The following WDR70 variants were observed in gnomAD, a reference collection of about 807,000 sequenced individuals.
WDR70 encodes the protein WD repeat domain 70.
A neutral mutation model predicts 88.6 loss-of-function variants in WDR70; 53 were observed. That is an observed-to-expected ratio of 0.60 (90% CI 0.48 to 0.75). The LOEUF (loss-of-function observed/expected upper bound fraction) is 0.75. WDR70 is among the 30% of genes least tolerant of loss of function. The pLI, the probability that WDR70 is intolerant of heterozygous loss-of-function variation, is 0.00. For missense variants in WDR70, 610 were observed against 823.2 expected (o/e 0.74, Z 3.17); for synonymous variants, 280 against 270.0 (o/e 1.04, Z -0.36).
intron 5 of WDR70, among the ~76,000 whole-genome samples, chr5:37,424,828 AAG>A (rs1175835599): frequency 6.6e-6 from 1 of 152,236 alleles, no homozygotes; most frequent in African/African-American, 2.4e-5. Context: ...TTTGTCAAAA[AAG>A]TATTTTTTTA....
chr5:37,396,381 G>T lies in WDR70; in HGVS notation c.303G>T (p.Thr101=). The T allele has an allele frequency of 6.2e-7, 1 of 1,608,080 alleles. No homozygotes were observed. Among genetic ancestry groups the T allele is most frequent in the Non-Finnish European group, 8.5e-7 (1 of 1,177,160 alleles). ...RDCSKSSSRD[T]SSSESEQSSD... ...TCTGTTTCTGTATTTTCAGGGATACGAGCAGCAGTGAAAGTGAACAGAGTT... is the reference window on the plus strand; with the variant it reads ...TCTGTTTCTGTATTTTCAGGGATACTAGCAGCAGTGAAAGTGAACAGAGTT... The change falls in exon 5 of 18, where the codon ACG becomes ACT. Residue 101 remains threonine, a synonymous_variant. Transcript: ENST00000265107.
chr5:37,576,609 T>C (rs1208253956), intron 9 of WDR70, among the ~76,000 whole-genome samples: 1 of 152,186 alleles, frequency 6.6e-6, no homozygotes, highest in Admixed American at 6.5e-5. Context: ...TTGATAGCGC[T>C]TCCTTCCAGT....
At chr5:37,484,273 C>T (rs1317878573) in intron 8 of WDR70, among the ~76,000 whole-genome samples, 1 of 152,230 alleles carries the variant, frequency 6.6e-6, no homozygotes, top group African/African-American at 2.4e-5. Context: ...ACATTGAGCA[C>T]TGAGTGAACG....
At chr5:37,412,554 A>G (rs1018178021) in intron 5 of WDR70, among the ~76,000 whole-genome samples, 2 of 152,048 alleles carry the variant, frequency 1.3e-5, no homozygotes, top group Admixed American at 1.3e-4. Context: ...TCCCATTACT[A>G]CAGAAAATAG....
intron 10 of WDR70, among the ~76,000 whole-genome samples, chr5:37,656,379 C>A (rs1245308530): frequency 6.6e-6 from 1 of 152,178 alleles, no homozygotes; most frequent in African/African-American, 2.4e-5. Flanking sequence ...AGGTGTCTGT[C>A]GACCCCTCCT....
chr5:37,730,429 A>C (rs1581533094), intron 17 of WDR70, among the ~76,000 whole-genome samples: 1 of 130,544 alleles, frequency 7.7e-6, no homozygotes, highest in Admixed American at 8.3e-5. Context: ...AACTTGATAT[A>C]AATTAAGTCA....
intron 7 of WDR70, among the ~76,000 whole-genome samples, chr5:37,476,768 T>G (rs1739498927): frequency 6.6e-6 from 1 of 152,228 alleles, no homozygotes; most frequent in South Asian, 2.1e-4. Flanking sequence ...GCCAGGATGG[T>G]CTCGATCTCA....
chr5:37,572,791 A>G (rs1039671295), intron 9 of WDR70, among the ~76,000 whole-genome samples: 2 of 152,210 alleles, frequency 1.3e-5, no homozygotes, highest in African/African-American at 4.8e-5. Flanking sequence ...CTGCAAACAT[A>G]GTGATATTTT....
intron 5 of WDR70, among the ~76,000 whole-genome samples, chr5:37,397,812 G>A (rs1749065362): frequency 6.6e-6 from 1 of 152,012 alleles, no homozygotes; most frequent in Non-Finnish European, 1.5e-5. Flanking sequence ...GGCCAACATG[G>A]TGAAACCCCG....
chr5:37,649,958 C>T (rs1454306982), intron 10 of WDR70, among the ~76,000 whole-genome samples: 2 of 135,110 alleles, frequency 1.5e-5, no homozygotes, highest in East Asian at 2.2e-4. Context: ...AGGATGGTCT[C>T]GATCTCCTGA....
chr5:37,519,590 G>A (rs1291066861), intron 9 of WDR70, among the ~76,000 whole-genome samples: 13 of 135,356 alleles, frequency 9.6e-5, no homozygotes, highest in African/African-American at 3.1e-4. Flanking sequence ...GGGCAGAGGC[G>A]CTCCTCACCT....
chr5:37,655,739 A>G (rs1323832820), intron 10 of WDR70, among the ~76,000 whole-genome samples: 1 of 151,450 alleles, frequency 6.6e-6, no homozygotes, highest in East Asian at 2.0e-4. Context: ...AGCTATTTAT[A>G]CTTGTGTATG....
intron 7 of WDR70, among the ~76,000 whole-genome samples, chr5:37,456,452 A>G (rs902883414): frequency 6.6e-6 from 1 of 152,222 alleles, no homozygotes; most frequent in African/African-American, 2.4e-5. Flanking sequence ...AAAGTTCTTT[A>G]TAAGATATGT....
chr5:37,679,481 T>C (rs1342331775), intron 10 of WDR70, among the ~76,000 whole-genome samples: 1 of 152,124 alleles, frequency 6.6e-6, no homozygotes, highest in African/African-American at 2.4e-5. Flanking sequence ...TCTGTTGGAG[T>C]TTGCTAGAGG....
At position 37,510,601 on chromosome 5, in the gene WDR70, T is replaced by C. The variant is rs552386126; in HGVS notation, c.841-5913T>C. On this transcript the variant is annotated intron_variant, in intron 8 of 17. Coordinates refer to ENST00000265107, the MANE Select transcript of WDR70 (RefSeq NM_018034.4). Reference sequence around the variant, plus strand: ...GGCACAAGTTACCATGCCTGGTGGATAGCCATGAATTTAACATTGATAACG... The same window carrying C: ...GGCACAAGTTACCATGCCTGGTGGACAGCCATGAATTTAACATTGATAACG... Among the ~76,000 whole-genome samples, 13 of 152,316 alleles carry C rather than the reference T, an allele frequency of 8.5e-5. No individual in the cohort carries two copies. The East Asian group carries it at 2.3e-3, about 27-fold the overall frequency.
At chr5:37,653,887 C>A (rs1197450311) in intron 10 of WDR70, among the ~76,000 whole-genome samples, 1 of 152,086 alleles carries the variant, frequency 6.6e-6, no homozygotes, top group Non-Finnish European at 1.5e-5. Context: ...TTTTAAAAAA[C>A]CGGCTCCTGG....
intron 7 of WDR70, among the ~76,000 whole-genome samples, chr5:37,475,116 C>T (rs185797501): frequency 1.5e-4 from 22 of 151,626 alleles, no homozygotes; most frequent in South Asian, 2.1e-4. Context: ...GATGGGGTTT[C>T]GCTATATTGG....
chr5:37,679,299 A>G (rs1474723252), intron 10 of WDR70, among the ~76,000 whole-genome samples: 2 of 151,990 alleles, frequency 1.3e-5, no homozygotes, highest in Non-Finnish European at 2.9e-5. Flanking sequence ...TTGGAGGAGG[A>G]GAGGCACCCT....
At chr5:37,708,793 G>T (rs910735192) in intron 13 of WDR70, among the ~76,000 whole-genome samples, 1 of 152,112 alleles carries the variant, frequency 6.6e-6, no homozygotes, top group African/African-American at 2.4e-5. Context: ...CTCAGAAATG[G>T]CTTTGGAATG....
Sources: allele counts gnomAD v4.1 joint callset (sites outside exome capture counted in the v4.1 genomes callset), GRCh38; gene constraint gnomAD v4.1.1; transcripts MANE v1.5; gene names NCBI Gene and HGNC (gene_info 2026-07-23, HGNC 2026-07-21).